The following ZNF469 variants were observed in gnomAD, a reference collection of about 807,000 sequenced individuals.
ZNF469 encodes zinc finger protein 469.
In ZNF469, 1 loss-of-function variant was observed where a neutral mutation model predicts 1.0. The observed-to-expected ratio is 1.00, with a 90% CI of 0.35 to 4.73. The LOEUF is 4.73. Ranked by LOEUF, ZNF469 falls within the 30% of genes most tolerant of loss-of-function variation. The pLI is 0.16. For synonymous variants in ZNF469, 2,703 were observed against 2,363.4 expected (o/e 1.14, Z -4.17); for missense variants, 6,100 against 5,356.3 (o/e 1.14, Z -4.33).
the ZNF469 span, among the ~76,000 whole-genome samples, chr16:88,224,243 G>A: frequency 2.6e-5 from 4 of 152,162 alleles, no homozygotes; most frequent in South Asian, 2.1e-4. Flanking sequence ...CCCCAGGACC[G>A]CCACCCTGCG....
chr16:88,185,209 G>A, the ZNF469 span, among the ~76,000 whole-genome samples: 2 of 148,450 alleles, frequency 1.3e-5, no homozygotes, highest in African/African-American at 5.0e-5. Context: ...GGACACCCAC[G>A]CATAGACACT....
the ZNF469 span, among the ~76,000 whole-genome samples, chr16:88,273,283 A>G: frequency 6.6e-6 from 1 of 151,748 alleles, no homozygotes; most frequent in Non-Finnish European, 1.5e-5. Context: ...GAAAACAGTC[A>G]TGGTTCTGTC....
chr16:88,414,366 C>T (rs1905251614), intron 1 of ZNF469, among the ~76,000 whole-genome samples: 1 of 152,246 alleles, frequency 6.6e-6, no homozygotes, highest in Non-Finnish European at 1.5e-5. Context: ...GGGGTGGAGG[C>T]ATCTGGCCTC....
the ZNF469 span, among the ~76,000 whole-genome samples, chr16:88,207,958 C>A: frequency 6.6e-6 from 1 of 152,150 alleles, no homozygotes; most frequent in Non-Finnish European, 1.5e-5. Context: ...ATTTAGCCTG[C>A]CAGACTTAAT....
In ZNF469 at chr16:88,436,924, A is replaced by G; in HGVS notation, c.9454A>G (p.Arg3152Gly). 1 of 1,496,438 alleles carries G rather than the reference A, an allele frequency of 6.7e-7. No individual in the cohort carries two copies. The highest frequency in any genetic ancestry group is 1.3e-5 in the South Asian group (1 of 78,144). 92.7% of individuals were successfully genotyped at this position (1,496,438 alleles called of 1,614,324 possible). The change falls in exon 3 of 3, where the codon AGG (arginine) becomes GGG (glycine). Residue 3152 changes from arginine (R) to glycine (G), a missense_variant. Physicochemically the swap from Arg to Gly is moderately radical, Grantham distance 125. Transcript: ENST00000565624. ...PPTCYMCVERRFGSRELLRGH... is the reference protein window; with the variant it reads ...PPTCYMCVERGFGSRELLRGH... ...CACCTGCTACATGTGCGTGGAGCGC[A>G]GGTTTGGCTCGCGGGAGCTGCTGCG...
At chr16:88,242,739 A>G in the ZNF469 span, among the ~76,000 whole-genome samples, 1 of 152,374 alleles carries the variant, frequency 6.6e-6, no homozygotes, top group South Asian at 2.1e-4. Context: ...GATGCTAGCC[A>G]TTGCCTGAAA....
the ZNF469 span, among the ~76,000 whole-genome samples, chr16:88,197,790 G>T: frequency 1.1e-4 from 16 of 152,332 alleles, no homozygotes; most frequent in African/African-American, 3.8e-4. Context: ...GCTGGCTGCT[G>T]GTGGGAGGCC....
chr16:88,164,274 G>A, the ZNF469 span, among the ~76,000 whole-genome samples: 40 of 149,448 alleles, frequency 2.7e-4, 1 homozygote, highest in South Asian at 6.4e-3. Context: ...CAGATATGTG[G>A]ATGGGTAGAT....
At chr16:88,263,261 G>T in the ZNF469 span, among the ~76,000 whole-genome samples, 1 of 152,210 alleles carries the variant, frequency 6.6e-6, no homozygotes, top group East Asian at 1.9e-4. Context: ...GGCCTCTGGG[G>T]TAGAAAACGA....
chr16:88,344,189 C>G, the ZNF469 span, among the ~76,000 whole-genome samples: 1 of 149,162 alleles, frequency 6.7e-6, no homozygotes. Flanking sequence ...CCAGAGGAGC[C>G]GAAGGAGACA....
At chr16:88,413,639 A>G (rs1905233443) in intron 1 of ZNF469, among the ~76,000 whole-genome samples, 1 of 152,220 alleles carries the variant, frequency 6.6e-6, no homozygotes, top group Non-Finnish European at 1.5e-5. Flanking sequence ...AGCAAGGTTC[A>G]GTCAGTCCCG....
the ZNF469 span, among the ~76,000 whole-genome samples, chr16:88,259,632 A>T: frequency 6.6e-6 from 1 of 152,046 alleles, no homozygotes; most frequent in African/African-American, 2.4e-5. This position sits in a 1 kb window ranked among gnomAD's most constrained non-coding sequence, Gnocchi z 4.1. Flanking sequence ...TCCCAGCCTG[A>T]CAGCCACCCC....
Position 88,438,872 on chromosome 16 carries a change from C to T in ZNF469, c.11402C>T (p.Pro3801Leu). 4 of 1,550,440 alleles carry T rather than the reference C, an allele frequency of 2.6e-6. No homozygotes were observed. Among genetic ancestry groups the T allele is most frequent in the East Asian group, 2.4e-5 (1 of 40,912 alleles). Residue 3801 changes from proline to leucine, a missense_variant, in exon 3 of 3, where the codon CCC becomes CTC. Transcript: ENST00000565624. ...CCAAGGGAAGCTGGTGAGCAGGGGC[C>T]CCACGGGAGCCTAGGTCCCAAGGAG... is the stretch of plus-strand genomic sequence containing the variant. ...KGPREAGEQG[P>L]HGSLGPKEKG...
At chr16:88,372,436 A>ACCATCACCATCATCACCATCATCG in the ZNF469 span, among the ~76,000 whole-genome samples, 32 of 147,790 alleles carry the variant, frequency 2.2e-4, no homozygotes, top group African/African-American at 7.2e-4. Context: ...CACCATCATC[A>ACCATCACCATCATCACCATCATCG]TCACCATCAC....
At chr16:88,385,088 A>C (rs2092534170) in intron 1 of ZNF469, among the ~76,000 whole-genome samples, 1 of 152,148 alleles carries the variant, frequency 6.6e-6, no homozygotes, top group Non-Finnish European at 1.5e-5. Flanking sequence ...CTGACTTGAC[A>C]TTCCTGGTCA....
the ZNF469 span, among the ~76,000 whole-genome samples, chr16:88,119,078 A>T: frequency 6.6e-6 from 1 of 152,054 alleles, no homozygotes; most frequent in Admixed American, 6.6e-5. Context: ...TTCCCTGACA[A>T]CTCGTAACTC....
chr16:88,370,555 G>C, the ZNF469 span, among the ~76,000 whole-genome samples: 1 of 152,160 alleles, frequency 6.6e-6, no homozygotes, highest in East Asian at 1.9e-4. Flanking sequence ...GTTCCTCTCG[G>C]GGTTAGACGT....
At chr16:88,265,002 G>A in the ZNF469 span, among the ~76,000 whole-genome samples, 13 of 151,992 alleles carry the variant, frequency 8.6e-5, no homozygotes, top group African/African-American at 2.7e-4. Flanking sequence ...CATTTTCTTC[G>A]AGGATTTCCT....
the ZNF469 span, among the ~76,000 whole-genome samples, chr16:88,368,417 G>A: frequency 1.3e-5 from 2 of 152,172 alleles, no homozygotes; most frequent in African/African-American, 4.8e-5. Context: ...CTGCGAGGTG[G>A]GGGGCTCCAT....
Sources: allele counts gnomAD v4.1 joint callset (sites outside exome capture counted in the v4.1 genomes callset), GRCh38; gene constraint gnomAD v4.1.1; non-coding constraint Gnocchi (gnomAD v3.1); transcripts MANE v1.5; gene names NCBI Gene and HGNC (gene_info 2026-07-23, HGNC 2026-07-21).